Variants in MAPK8 observed in about 807,000 individuals in gnomAD.
MAPK8 encodes the protein JUN N-terminal kinase.
Under a neutral mutation model 52.9 loss-of-function variants are expected in MAPK8, and 13 were observed. That is an observed-to-expected ratio of 0.25 (90% confidence interval 0.16 to 0.39). The LOEUF (loss-of-function observed/expected upper bound fraction) is 0.39. MAPK8 is among the 10% of genes least tolerant of loss of function. The probability of loss-of-function intolerance (pLI) is 1.00; values close to 1 mark genes in which losing one functional copy is unlikely to be tolerated. For missense variants in MAPK8, 300 were observed against 519.2 expected (o/e 0.58, Z 4.10); for synonymous variants, 191 against 169.8 (o/e 1.12, Z -0.97).
chr10:48,320,207 C>T (rs547048590), intron 1 of MAPK8, among the ~76,000 whole-genome samples: 11 of 54,672 alleles, frequency 2.0e-4, no homozygotes, highest in East Asian at 6.2e-4. Context: ...AGCCACTGCT[C>T]GGCCTTTTTT....
intron 3 of MAPK8, among the ~76,000 whole-genome samples, chr10:48,408,476 A>T (rs1350529754): frequency 6.6e-6 from 1 of 152,258 alleles, no homozygotes; most frequent in Non-Finnish European, 1.5e-5. Flanking sequence ...AAAACATTTT[A>T]AAAATGACAT....
rs2044729666 is a variant in MAPK8, at chr10:48,434,926, C to T, written c.1181C>T (p.Ser394Leu). ...INGSQHPSSS[S>L]SVNDVSSMST... is the part of the protein sequence containing the mutation. ...GGCTCTCAGCATCCATCATCATCGTCGTCTGTCAATGATGTGTCTTCAATG... is the reference window on the plus strand; with the variant it reads ...GGCTCTCAGCATCCATCATCATCGTTGTCTGTCAATGATGTGTCTTCAATG... The change falls in exon 12 of 12, where the codon TCG becomes TTG. Residue 394 changes from serine (S) to leucine (L), a missense_variant. Ser to Leu is a moderately radical substitution (Grantham distance 145). Coordinates refer to ENST00000374189, the MANE Select transcript of MAPK8 (RefSeq NM_001323329.2). 7 of 1,613,542 alleles carry T rather than the reference C, an allele frequency of 4.3e-6. No homozygotes were observed. The highest frequency in any genetic ancestry group is 2.2e-5 in the South Asian group (2 of 91,026).
intron 1 of MAPK8, among the ~76,000 whole-genome samples, chr10:48,374,102 G>A (rs1397926312): frequency 1.3e-5 from 2 of 152,028 alleles, no homozygotes; most frequent in East Asian, 1.9e-4. Flanking sequence ...ACTCAAAAAC[G>A]CACAACTACA....
chr10:48,323,325 G>T (rs907540822), intron 1 of MAPK8, among the ~76,000 whole-genome samples: 11 of 152,142 alleles, frequency 7.2e-5, no homozygotes, highest in African/African-American at 2.7e-4. Flanking sequence ...TAGGTATTGT[G>T]GGGGTGGCTT....
At chr10:48,315,720 C>T (rs1842435897) in intron 1 of MAPK8, among the ~76,000 whole-genome samples, 1 of 149,538 alleles carries the variant, frequency 6.7e-6, no homozygotes, top group African/African-American at 2.4e-5. Context: ...AAATAATAAG[C>T]CCCCTGTAGA....
At position 48,357,489 on chromosome 10, in the gene MAPK8, G is replaced by A. The variant is rs564344803; in HGVS notation, c.-49-44123G>A. On this transcript the variant is annotated intron_variant, in intron 1 of 11. Transcript: ENST00000374189. ...GGCTCATGCAGCCTTGACCTCTCGG[G>A]CTCAGGTGATCCTCCCACCTCAGCC... is the stretch of plus-strand genomic sequence containing the variant. 2.0e-5 allele frequency among the ~76,000 whole-genome samples: 3 copies of A among 152,206 alleles called. No homozygotes were observed. The East Asian group carries it at 5.8e-4, about 29-fold the overall frequency.
At chr10:48,331,369 T>G (rs1018168640) in intron 1 of MAPK8, among the ~76,000 whole-genome samples, 1 of 152,230 alleles carries the variant, frequency 6.6e-6, no homozygotes, top group Non-Finnish European at 1.5e-5. Context: ...TTCTGCTTTT[T>G]GTATAGTAGC....
chr10:48,328,657 C>A lies in MAPK8; in HGVS notation c.-50+21836C>A, dbSNP rs551106416. On this transcript the variant is annotated intron_variant, in intron 1 of 11. Transcript: ENST00000374189. ...GACACATTGAGATCAGCACTTTTGC[C>A]TTTTTTTGGTAGTCAACAAGAGCAA... Among the ~76,000 whole-genome samples, 4 of 152,238 alleles carry A rather than the reference C, an allele frequency of 2.6e-5. No homozygotes were observed. In the East Asian group the frequency reaches 7.7e-4, roughly 29 times the overall value.
intron 1 of MAPK8, among the ~76,000 whole-genome samples, chr10:48,365,709 A>G (rs1299810864): frequency 6.6e-6 from 1 of 152,180 alleles, no homozygotes; most frequent in East Asian, 1.9e-4. Context: ...TTTTTAAAGC[A>G]TATTGAATCC....
intron 1 of MAPK8, among the ~76,000 whole-genome samples, chr10:48,332,231 T>C (rs559472512): frequency 6.6e-6 from 1 of 152,366 alleles, no homozygotes; most frequent in Admixed American, 6.5e-5. Context: ...CCTTTGGGCA[T>C]TTCTGTGAAA....
intron 2 of MAPK8, 106 bp from the exon 3 acceptor site, chr10:48,404,746 T>C (rs947394130): frequency 1.3e-6 from 1 of 791,510 alleles, no homozygotes; most frequent in African/African-American, 1.7e-5. Context: ...GGGATCCAGT[T>C]ACTTGTCTTT....
chr10:48,327,664 T>C lies in MAPK8; in HGVS notation c.-50+20843T>C, dbSNP rs73293179. 3.5e-3 allele frequency among the ~76,000 whole-genome samples: 531 copies of C among 152,352 alleles called. 5 individuals are homozygous for C. The highest frequency in any genetic ancestry group is 0.012 in the African/African-American group (518 of 41,584). On this transcript the variant is annotated intron_variant, in intron 1 of 11. Coordinates refer to ENST00000374189, the MANE Select transcript of MAPK8 (RefSeq NM_001323329.2). Reference sequence around the variant, plus strand: ...AGAGATTGTAGAGAATTGGTATCACTTTTTTCCTTAAATGTTTGGAATAAT... The same window carrying C: ...AGAGATTGTAGAGAATTGGTATCACCTTTTTCCTTAAATGTTTGGAATAAT...
At chr10:48,403,917 T>TTTTGTG (rs1554830229) in intron 2 of MAPK8, among the ~76,000 whole-genome samples, 2 of 125,672 alleles carry the variant, frequency 1.6e-5, no homozygotes, top group Non-Finnish European at 3.2e-5. Context: ...CCCGGCTAAT[T>TTTTGTG]TGTGTGTGTG....
intron 1 of MAPK8, among the ~76,000 whole-genome samples, chr10:48,356,576 T>C (rs1230534147): frequency 1.3e-5 from 2 of 152,212 alleles, no homozygotes; most frequent in Non-Finnish European, 1.5e-5. Context: ...GCATGATGGC[T>C]CACACCTATA....
chr10:48,337,304 A>G (rs540113048), intron 1 of MAPK8, among the ~76,000 whole-genome samples: 1 of 152,326 alleles, frequency 6.6e-6, no homozygotes, highest in African/African-American at 2.4e-5. Flanking sequence ...ATCAATACCA[A>G]GAATAACTCT....
intron 1 of MAPK8, among the ~76,000 whole-genome samples, chr10:48,345,508 C>T (rs1167962612): frequency 6.6e-6 from 1 of 152,222 alleles, no homozygotes; most frequent in Non-Finnish European, 1.5e-5. Flanking sequence ...CACACACACA[C>T]ACCTTTGCCT....
intron 1 of MAPK8, among the ~76,000 whole-genome samples, chr10:48,360,272 C>G (rs750870694): frequency 6.6e-6 from 1 of 152,182 alleles, no homozygotes; most frequent in Non-Finnish European, 1.5e-5. Context: ...GATGCCCAGT[C>G]TCCTTAGTAT....
At position 48,331,213 on chromosome 10, in the gene MAPK8, G is replaced by A. The variant is rs548066382; in HGVS notation, c.-50+24392G>A. On this transcript the variant is annotated intron_variant, in intron 1 of 11. Transcript: ENST00000374189. ...AGGGCAAAGGTACTTATCTGCCTGC[G>A]AGAGCTATCCCTGATTTTCCAAATT... is the stretch of plus-strand genomic sequence containing the variant. Among the ~76,000 whole-genome samples the A allele has an allele frequency of 9.2e-5, 14 of 152,254 alleles. No individual in the cohort carries two copies. The South Asian group carries it at 2.3e-3, about 25-fold the overall frequency.
chr10:48,383,107 T>A (rs954914856), intron 1 of MAPK8, among the ~76,000 whole-genome samples: 4 of 152,022 alleles, frequency 2.6e-5, no homozygotes, highest in Non-Finnish European at 5.9e-5. Context: ...TTTTTTTCTT[T>A]TTAACCAAGG....
Sources: allele counts gnomAD v4.1 joint callset (sites outside exome capture counted in the v4.1 genomes callset), GRCh38; gene constraint gnomAD v4.1.1; transcripts MANE v1.5; gene names NCBI Gene and HGNC (gene_info 2026-07-23, HGNC 2026-07-21).